The following PIEZO2 variants were observed in gnomAD, a reference collection of about 807,000 sequenced individuals.
The protein encoded by PIEZO2 is piezo-type mechanosensitive ion channel component 2.
A neutral mutation model predicts 337.3 loss-of-function variants in PIEZO2; 172 were observed. The observed-to-expected ratio is 0.51, with a 90% CI of 0.45 to 0.58. The LOEUF (loss-of-function observed/expected upper bound fraction) is 0.58. PIEZO2 is among the 20% of genes least tolerant of loss of function. The pLI is 0.00. For synonymous variants in PIEZO2, 1,251 were observed against 1,228.5 expected (o/e 1.02, Z -0.38); for missense variants, 3,028 against 3,391.3 (o/e 0.89, Z 2.66).
intron 34 of PIEZO2, among the ~76,000 whole-genome samples, chr18:10,736,083 A>G (rs1480215780): frequency 6.6e-6 from 1 of 152,238 alleles, no homozygotes; most frequent in Non-Finnish European, 1.5e-5. Context: ...CTAAGCTGAA[A>G]AAACCAGAAC....
chr18:10,902,894 G>A (rs897103927), intron 4 of PIEZO2, among the ~76,000 whole-genome samples: 1 of 152,204 alleles, frequency 6.6e-6, no homozygotes, highest in Admixed American at 6.5e-5. Flanking sequence ...GGTATAGAAA[G>A]TTTCTAGGAA....
At position 10,870,516 on chromosome 18, in the gene PIEZO2, T is replaced by G. The variant is rs554045410; in HGVS notation, c.492+737A>C. 5.3e-5 allele frequency among the ~76,000 whole-genome samples: 8 copies of G among 152,318 alleles called. No individual in the cohort carries two copies. In the South Asian group the frequency reaches 1.7e-3, roughly 32 times the overall value. On this transcript the variant is annotated intron_variant, in intron 5 of 55. Transcript: ENST00000674853. This position sits in a 1 kb window ranked among gnomAD's most constrained non-coding sequence, Gnocchi z 5.3. ...ATAAATCAATTACTCTTTAAACTGA[T>G]GTCTCCTAACCTCACCTAACAAAGT...
At chr18:10,961,653 T>C (rs2033787074) in intron 3 of PIEZO2, among the ~76,000 whole-genome samples, 1 of 152,236 alleles carries the variant, frequency 6.6e-6, no homozygotes, top group Non-Finnish European at 1.5e-5. Context: ...AGATTCTCAT[T>C]TGTAATGCCA....
At chr18:10,693,611 C>T (rs2034957977) in intron 47 of PIEZO2, among the ~76,000 whole-genome samples, 1 of 151,718 alleles carries the variant, frequency 6.6e-6, no homozygotes, top group African/African-American at 2.4e-5. Context: ...TGTGATCCAC[C>T]TGGCCCAGCC....
chr18:10,724,989 G>T lies in PIEZO2; in HGVS notation c.5029+6418C>A. The T allele has an allele frequency of 6.3e-7, 1 of 1,587,584 alleles. No individual in the cohort carries two copies. Among genetic ancestry groups the T allele is most frequent in the Non-Finnish European group, 8.6e-7 (1 of 1,160,922 alleles). The stretch of plus-strand genomic sequence containing the variant: ...CAGCCTCCCTGCCTCACATTACTAA[G>T]ACTCAAAGCGATGCAGGCCATAGTG... On this transcript the variant is annotated intron_variant, in intron 36 of 55. Coordinates refer to ENST00000674853, the MANE Select transcript of PIEZO2 (RefSeq NM_001378183.1). The surrounding 1 kb of genome is among the most constrained non-coding windows in gnomAD (Gnocchi z 5.8).
chr18:10,709,705 G>A (rs887449852), intron 39 of PIEZO2: 3 of 152,222 alleles, frequency 2.0e-5, no homozygotes, highest in Non-Finnish European at 2.9e-5. Flanking sequence ...TGTTAAAAGA[G>A]TTTTTCAGGT....
intron 4 of PIEZO2, among the ~76,000 whole-genome samples, chr18:10,887,711 A>G (rs1442002399): frequency 1.3e-5 from 2 of 152,206 alleles, no homozygotes; most frequent in East Asian, 1.9e-4. Context: ...GTGTCTCACT[A>G]GTCTCCTTCA....
chr18:10,674,602 G>A lies in PIEZO2; in HGVS notation c.8161+607C>T, dbSNP rs566297059. Among the ~76,000 whole-genome samples the A allele has an allele frequency of 7.9e-5, 12 of 152,240 alleles. No homozygotes were observed. In the South Asian group the frequency reaches 8.3e-4, roughly 11 times the overall value. On this transcript the variant is annotated intron_variant, in intron 54 of 55. Transcript: ENST00000674853. Reference sequence around the variant, plus strand: ...CAGCGCCTGGCCTATTGCCTAGTGTGTAGTGGCCCATGTTGGAGAATGAAT... The same window carrying A: ...CAGCGCCTGGCCTATTGCCTAGTGTATAGTGGCCCATGTTGGAGAATGAAT...
chr18:10,763,851 G>A (rs79268258), intron 21 of PIEZO2, among the ~76,000 whole-genome samples: 15 of 152,278 alleles, frequency 9.9e-5, no homozygotes, highest in Admixed American at 5.9e-4. Context: ...GAGGAGGCGC[G>A]GATTCAACAT....
rs538221941 is a variant in PIEZO2, at chr18:10,973,441, G to A, written c.286+6094C>T. ...GGTCGGCATATGTCTCCGTGAGGCAGTGCCTCAATCACCAGGGGTGGAAGA... is the reference window on the plus strand; with the variant it reads ...GGTCGGCATATGTCTCCGTGAGGCAATGCCTCAATCACCAGGGGTGGAAGA... On this transcript the variant is annotated intron_variant, in intron 3 of 55. Coordinates refer to ENST00000674853, the MANE Select transcript of PIEZO2 (RefSeq NM_001378183.1). The surrounding 1 kb of genome is among the most constrained non-coding windows in gnomAD (Gnocchi z 4.9). 2.0e-5 allele frequency among the ~76,000 whole-genome samples: 3 copies of A among 152,318 alleles called. No individual in the cohort carries two copies. Among genetic ancestry groups the A allele is most frequent in the African/African-American group, 7.2e-5 (3 of 41,584 alleles).
chr18:11,064,166 C>G (rs899104325), intron 2 of PIEZO2, among the ~76,000 whole-genome samples: 1 of 152,164 alleles, frequency 6.6e-6, no homozygotes, highest in African/African-American at 2.4e-5. Context: ...CCTCAAAACA[C>G]AGATTTTAGA....
At chr18:11,074,899 A>G (rs1250030848) in intron 1 of PIEZO2, among the ~76,000 whole-genome samples, 1 of 152,214 alleles carries the variant, frequency 6.6e-6, no homozygotes, top group Non-Finnish European at 1.5e-5. Context: ...TTATGCTATT[A>G]AAGGTAAGTG....
At chr18:10,802,380 C>T (rs182502381) in intron 9 of PIEZO2, among the ~76,000 whole-genome samples, 15 of 151,948 alleles carry the variant, frequency 9.9e-5, no homozygotes, top group Middle Eastern at 3.4e-3. Flanking sequence ...ATCTACCATA[C>T]GAGAAATTAG....
intron 4 of PIEZO2, among the ~76,000 whole-genome samples, chr18:10,891,534 A>G (rs1430780499): frequency 6.6e-6 from 1 of 152,212 alleles, no homozygotes; most frequent in African/African-American, 2.4e-5. Context: ...CTTGATGCAG[A>G]CACTAGGCAT....
chr18:10,702,580 G>A (rs933017084), intron 42 of PIEZO2, among the ~76,000 whole-genome samples: 1 of 152,086 alleles, frequency 6.6e-6, no homozygotes, highest in African/African-American at 2.4e-5. Context: ...TCTTTAATTC[G>A]CAATCTATAG....
At chr18:10,761,142 C>A in intron 23 of PIEZO2, 31 bp from the exon 24 acceptor site, 1 of 1,514,624 alleles carries the variant, frequency 6.6e-7, no homozygotes, top group South Asian at 1.2e-5. Context: ...AATGTGTCAG[C>A]CAGAGGCTTT....
intron 7 of PIEZO2, among the ~76,000 whole-genome samples, chr18:10,832,860 T>C (rs1203347475): frequency 6.6e-6 from 1 of 152,150 alleles, no homozygotes; most frequent in Non-Finnish European, 1.5e-5. Flanking sequence ...CATTTATTTT[T>C]GATCAGCACC....
At chr18:10,711,629 T>C (rs2035824086) in intron 39 of PIEZO2, among the ~76,000 whole-genome samples, 1 of 152,086 alleles carries the variant, frequency 6.6e-6, no homozygotes, top group South Asian at 2.1e-4. Flanking sequence ...AAAAAATCTC[T>C]GTATTACAAA....
chr18:10,682,466 G>A lies in PIEZO2; in HGVS notation c.7498-174C>T, dbSNP rs760159591. Among the ~76,000 whole-genome samples the A allele has an allele frequency of 3.3e-4, 50 of 152,168 alleles. 1 individual carries two copies. The highest frequency in any genetic ancestry group is 4.4e-4 in the Non-Finnish European group (30 of 68,034). On this transcript the variant is annotated intron_variant, in intron 49 of 55. Transcript: ENST00000674853. The surrounding 1 kb of genome is among the most constrained non-coding windows in gnomAD (Gnocchi z 5.6). ...AGCAACCTTGTCCCAATCTCGAAAT[G>A]AAGTTAGGTAGTGATGTGAAGCTGT... is the stretch of plus-strand genomic sequence containing the variant.
Sources: gnomAD v4.1 joint callset for allele counts (sites outside exome capture counted in the v4.1 genomes callset) on GRCh38, gnomAD v4.1.1 for gene constraint, Gnocchi (gnomAD v3.1) non-coding constraint, MANE v1.5 for transcripts, NCBI Gene and HGNC (gene_info 2026-07-23, HGNC 2026-07-21) for gene names.